The following ZNF217 variants were observed in gnomAD, a reference collection of about 807,000 sequenced individuals.
ZNF217 encodes zinc finger protein 217.
Under a neutral mutation model 73.3 loss-of-function variants are expected in ZNF217, and 12 were observed. That is an observed-to-expected ratio of 0.16 (90% CI 0.10 to 0.27). The LOEUF is 0.27. Ranked by LOEUF, ZNF217 falls within the 10% of genes least tolerant of loss-of-function variation. The pLI, the probability that ZNF217 is intolerant of heterozygous loss-of-function variation, is 1.00. For missense variants in ZNF217, 1,195 were observed against 1,327.8 expected (o/e 0.90, Z 1.55); for synonymous variants, 588 against 516.4 (o/e 1.14, Z -1.88).
upstream of ZNF217, among the ~76,000 whole-genome samples, chr20:53,594,425 C>A (rs558432655): frequency 5.3e-4 from 80 of 150,516 alleles, no homozygotes; most frequent in African/African-American, 1.9e-3. Context: ...CTAGCATAGG[C>A]GCGCCCCTGC....
At chr20:53,596,941 A>G (rs1234301387), upstream of ZNF217, among the ~76,000 whole-genome samples, 1 of 152,140 alleles carries the variant, frequency 6.6e-6, no homozygotes, top group Non-Finnish European at 1.5e-5. Context: ...CCTCCTTAAG[A>G]CATATTTCCT....
intron 1 of ZNF217, among the ~76,000 whole-genome samples, chr20:53,589,524 C>G (rs192411860): frequency 3.9e-5 from 6 of 152,318 alleles, no homozygotes; most frequent in Admixed American, 1.3e-4. Context: ...GGCTTCCCCC[C>G]TATTTATCTG....
chr20:53,596,392 G>A (rs1477639280), upstream of ZNF217, among the ~76,000 whole-genome samples: 1 of 152,178 alleles, frequency 6.6e-6, no homozygotes, highest in Non-Finnish European at 1.5e-5. Flanking sequence ...CTGGAGTCGT[G>A]CCAACGAAAC....
chr20:53,582,278 C>T lies in ZNF217; in HGVS notation c.549G>A (p.Gly183=). 2.5e-6 allele frequency: 4 copies of T among 1,614,146 alleles called. No homozygotes were observed. Among genetic ancestry groups the T allele is most frequent in the Non-Finnish European group, 3.4e-6 (4 of 1,180,030 alleles). The part of the protein sequence containing the change: ...NHMRTHNGKS[G]ARSKLQQGLE... ...AGCCTTGCTGCAGTTTGCTTCTGGCCCCCGATTTGCCATTATGTGTCCGCA... is the reference window on the plus strand; with the variant it reads ...AGCCTTGCTGCAGTTTGCTTCTGGCTCCCGATTTGCCATTATGTGTCCGCA... The change falls in exon 2 of 6, where the codon GGG becomes GGA. Residue 183 remains glycine, a synonymous_variant. Coordinates refer to ENST00000371471, the MANE Select transcript of ZNF217 (RefSeq NM_006526.3). This position sits in a 1 kb window ranked among gnomAD's most constrained non-coding sequence, Gnocchi z 4.8.
chr20:53,581,408 G>A lies in ZNF217; in HGVS notation c.1366+53C>T. 1 of 1,511,984 alleles carries A rather than the reference G, an allele frequency of 6.6e-7. No homozygotes were observed. The highest frequency in any genetic ancestry group is 8.9e-7 in the Non-Finnish European group (1 of 1,124,712). 93.7% of individuals were successfully genotyped at this position (1,511,984 alleles called of 1,614,324 possible). The stretch of plus-strand genomic sequence containing the variant: ...GATGGGAATAGAGAGGGGGAGACGG[G>A]GAGACAGACAGACACAGGCGGAACA... On this transcript the variant is annotated intron_variant, in intron 2 of 5. Transcript: ENST00000371471. This position sits in a 1 kb window ranked among gnomAD's most constrained non-coding sequence, Gnocchi z 4.9.
At chr20:53,584,161 T>C (rs1568689472) in intron 1 of ZNF217, among the ~76,000 whole-genome samples, 1 of 152,248 alleles carries the variant, frequency 6.6e-6, no homozygotes, top group Non-Finnish European at 1.5e-5. Flanking sequence ...GCCAATACCC[T>C]CTGCCTTTAT....
chr20:53,589,040 ACGC>A (rs2145976375), intron 1 of ZNF217, among the ~76,000 whole-genome samples: 1 of 152,360 alleles, frequency 6.6e-6, no homozygotes, highest in South Asian at 2.1e-4. Context: ...ATTACTCCTA[ACGC>A]TGATTCAAGA....
chr20:53,593,899 C>T (rs1226002229), upstream of ZNF217: 1 of 151,052 alleles, frequency 6.6e-6, no homozygotes, highest in Non-Finnish European at 1.5e-5. Flanking sequence ...AGGGAGGCGT[C>T]GCGGAGTTTC....
intron 5 of ZNF217, chr20:53,570,466 CG>C (rs1439622049): frequency 6.6e-6 from 1 of 152,668 alleles, no homozygotes; most frequent in Non-Finnish European, 1.5e-5. Context: ...GACGGTTTTA[CG>C]GGACAAGAGT....
rs200721007 is a variant in ZNF217 at position 53,576,296 on chromosome 20, G to A, written c.2468C>T (p.Pro823Leu). The change falls in exon 4 of 6, where the codon CCA becomes CTA. Residue 823 changes from proline (P) to leucine (L), a missense_variant. Physicochemically the swap from Pro to Leu is moderately conservative, Grantham distance 98. Around this residue, in one of 9 missense-constraint regions of ZNF217, gnomAD observed 649 missense variants for 642.8 expected, o/e 1.01. Transcript: ENST00000371471. ...LAPSNLKSHR[P>L]QQNVGVQGAA... ...CCCTTGGACCCCCACATTCTGCTGT[G>A]GTCTGTGGGACTTCAGGTTACTTGG... is the stretch of plus-strand genomic sequence containing the variant. The A allele has an allele frequency of 9.7e-5, 156 of 1,614,206 alleles. 1 individual carries two copies. The East Asian group carries it at 3.0e-3, about 31-fold the overall frequency.
chr20:53,596,861 C>T (rs563684489), upstream of ZNF217, among the ~76,000 whole-genome samples: 2 of 151,998 alleles, frequency 1.3e-5, no homozygotes, highest in South Asian at 4.1e-4. Flanking sequence ...GGCAGAAAAT[C>T]CCCACTTCAC....
intron 5 of ZNF217, among the ~76,000 whole-genome samples, chr20:53,571,437 C>T (rs1257969499): frequency 8.4e-6 from 1 of 118,658 alleles, no homozygotes; most frequent in Non-Finnish European, 1.6e-5. Context: ...GAGTCTCGCT[C>T]TGTCACCCAG....
intron 3 of ZNF217, 37 bp from the exon 4 acceptor site, chr20:53,577,317 T>C (rs1257640779): frequency 6.5e-7 from 1 of 1,529,010 alleles, no homozygotes; most frequent in Non-Finnish European, 8.8e-7. Context: ...TAGAAGTGTA[T>C]GAAAAGCACT....
intron 1 of ZNF217, among the ~76,000 whole-genome samples, chr20:53,589,706 G>A (rs1030970220): frequency 5.3e-5 from 8 of 152,086 alleles, no homozygotes; most frequent in Non-Finnish European, 1.2e-4. Context: ...ATTACTGGTT[G>A]GGGAAAAATA....
chr20:53,579,253 G>A (rs78227501), intron 2 of ZNF217, among the ~76,000 whole-genome samples: 2,223 of 152,166 alleles, frequency 0.015, 49 homozygotes, highest in African/African-American at 0.041. Flanking sequence ...AGGTGCTGCC[G>A]TTAAAATACC....
At chr20:53,578,567 ATAT>A (rs1988372348) in intron 2 of ZNF217, 117 bp from the exon 3 acceptor site, 1 of 640,302 alleles carries the variant, frequency 1.6e-6, no homozygotes, top group Admixed American at 3.5e-5. Flanking sequence ...AAATTCTTTT[ATAT>A]AACATCGGGT....
chr20:53,596,286 T>A (rs1989040376), upstream of ZNF217, among the ~76,000 whole-genome samples: 1 of 151,934 alleles, frequency 6.6e-6, no homozygotes, highest in Non-Finnish European at 1.5e-5. Flanking sequence ...CTTTTAAAAC[T>A]GAAAGATGAT....
At chr20:53,592,836 TAAA>T (rs1279504231) in intron 1 of ZNF217, among the ~76,000 whole-genome samples, 4 of 115,584 alleles carry the variant, frequency 3.5e-5, no homozygotes, top group Non-Finnish European at 1.8e-5. Context: ...AAACTTCCCT[TAAA>T]AAAAAAAAAA....
intron 1 of ZNF217, among the ~76,000 whole-genome samples, chr20:53,584,250 C>T (rs1023330403): frequency 6.6e-6 from 1 of 152,164 alleles, no homozygotes; most frequent in Non-Finnish European, 1.5e-5. Flanking sequence ...CCCAAGAAAA[C>T]CAAAAGGCAT....
Sources: allele counts gnomAD v4.1 joint callset (sites outside exome capture counted in the v4.1 genomes callset), GRCh38; gene constraint gnomAD v4.1.1; regional missense constraint gnomAD v4.1.1; non-coding constraint Gnocchi (gnomAD v3.1); transcripts MANE v1.5; gene names NCBI Gene and HGNC (gene_info 2026-07-23, HGNC 2026-07-21).